PLEKHD1: variants seen among roughly 807,000 people sequenced by gnomAD.
PLEKHD1 encodes pleckstrin homology domain-containing family D member 1.
In PLEKHD1, 51 loss-of-function variants were observed where a neutral mutation model predicts 69.2. That is an observed-to-expected ratio of 0.74 (90% CI 0.59 to 0.93). The LOEUF (loss-of-function observed/expected upper bound fraction) is 0.93. PLEKHD1 is among the 40% of genes least tolerant of loss of function. The pLI, the probability that PLEKHD1 is intolerant of heterozygous loss-of-function variation, is 0.00. For missense variants in PLEKHD1, 584 were observed against 641.0 expected (o/e 0.91, Z 0.96); for synonymous variants, 236 against 244.7 (o/e 0.96, Z 0.33).
intron 7 of PLEKHD1, among the ~76,000 whole-genome samples, chr14:69,522,609 G>A (rs1883543092): frequency 6.6e-6 from 1 of 152,056 alleles, no homozygotes; most frequent in Non-Finnish European, 1.5e-5. Flanking sequence ...ACCCACTAGA[G>A]CATAAGGCAA....
chr14:69,470,326 A>G, the PLEKHD1 span, among the ~76,000 whole-genome samples: 2 of 151,718 alleles, frequency 1.3e-5, no homozygotes, highest in Non-Finnish European at 2.9e-5. Context: ...AGCCAGGCGT[A>G]GTGGTGCACA....
the PLEKHD1 span, among the ~76,000 whole-genome samples, chr14:69,470,327 G>A: frequency 3.3e-5 from 5 of 151,876 alleles, no homozygotes; most frequent in Non-Finnish European, 7.4e-5. Flanking sequence ...GCCAGGCGTA[G>A]TGGTGCACAC....
At chr14:69,487,638 A>C (rs1184074440) in intron 1 of PLEKHD1, among the ~76,000 whole-genome samples, 1 of 152,234 alleles carries the variant, frequency 6.6e-6, no homozygotes, top group Non-Finnish European at 1.5e-5. Context: ...CTGGGGTGGG[A>C]AGGTGCCCTT....
chr14:69,494,009 G>T (rs1882832938), intron 1 of PLEKHD1, among the ~76,000 whole-genome samples: 1 of 152,206 alleles, frequency 6.6e-6, no homozygotes. Flanking sequence ...AGCTGGGCTG[G>T]AGCCAAGAGC....
At chr14:69,527,093 C>T (rs1017694926) in intron 10 of PLEKHD1, 95 bp from the exon 11 acceptor site, 2 of 1,400,164 alleles carry the variant, frequency 1.4e-6, no homozygotes, top group Non-Finnish European at 9.5e-7. Context: ...CATCCACGCC[C>T]ATTGAGCCAG....
upstream of PLEKHD1, among the ~76,000 whole-genome samples, chr14:69,481,302 C>A (rs985364417): frequency 6.6e-6 from 1 of 152,096 alleles, no homozygotes. Flanking sequence ...CAGCCTGGGT[C>A]AGAGTGATAC....
chr14:69,481,321 T>TAAC (rs1882537995), upstream of PLEKHD1, among the ~76,000 whole-genome samples: 1 of 152,132 alleles, frequency 6.6e-6, no homozygotes, highest in African/African-American at 2.4e-5. Context: ...ACCCTGTCTC[T>TAAC]AACAACAACA....
At chr14:69,501,969 G>C in intron 5 of PLEKHD1, 144 bp downstream of exon 5, 2 of 660,894 alleles carry the variant, frequency 3.0e-6, no homozygotes, top group East Asian at 2.9e-5. Context: ...CACCTGGAGG[G>C]CTTCCTGGTA....
upstream of PLEKHD1, among the ~76,000 whole-genome samples, chr14:69,482,043 C>T (rs1882550793): frequency 6.6e-6 from 1 of 152,208 alleles, no homozygotes; most frequent in African/African-American, 2.4e-5. Flanking sequence ...GGAACAGAAA[C>T]CACTCAAGTA....
intron 5 of PLEKHD1, 93 bp downstream of exon 5, chr14:69,501,918 G>T (rs1883035372): frequency 1.7e-6 from 2 of 1,144,622 alleles, no homozygotes; most frequent in Non-Finnish European, 2.5e-6. Flanking sequence ...AGGGATGAGG[G>T]TCTCTCAGGT....
intron 8 of PLEKHD1, 126 bp downstream of exon 8, chr14:69,524,448 C>A (rs1435176993): frequency 2.5e-6 from 2 of 801,646 alleles, no homozygotes; most frequent in Non-Finnish European, 4.1e-6. Context: ...TGGAGGGGTG[C>A]TGATCTAAAG....
the PLEKHD1 span, among the ~76,000 whole-genome samples, chr14:69,475,091 G>C: frequency 1.3e-5 from 2 of 152,224 alleles, no homozygotes; most frequent in Non-Finnish European, 2.9e-5. Context: ...ATTGAGTAAA[G>C]ATGGAGCTAA....
intron 1 of PLEKHD1, among the ~76,000 whole-genome samples, chr14:69,489,190 G>T (rs1363516682): frequency 6.6e-6 from 1 of 152,204 alleles, no homozygotes; most frequent in African/African-American, 2.4e-5. Context: ...CCTCCAGCTT[G>T]CAGAGAGTTC....
chr14:69,517,237 A>G (rs1883404666), intron 6 of PLEKHD1, among the ~76,000 whole-genome samples: 1 of 152,122 alleles, frequency 6.6e-6, no homozygotes, highest in Non-Finnish European at 1.5e-5. Context: ...TCACCTGCAT[A>G]AGCAGTGGAT....
At chr14:69,527,159 C>T (rs1414929669) in intron 10 of PLEKHD1, 29 bp from the exon 11 acceptor site, 58 of 1,508,032 alleles carry the variant, frequency 3.8e-5, no homozygotes, top group Non-Finnish European at 5.1e-5. Context: ...GACCTGACTT[C>T]CTTCTCATTT....
chr14:69,499,582 G>A (rs768778170), intron 1 of PLEKHD1, among the ~76,000 whole-genome samples: 33 of 152,248 alleles, frequency 2.2e-4, no homozygotes, highest in Non-Finnish European at 4.4e-4. Context: ...AAGGAGACTG[G>A]GGAGTAGCCC....
the PLEKHD1 span, among the ~76,000 whole-genome samples, chr14:69,475,668 A>T: frequency 6.6e-6 from 1 of 152,132 alleles, no homozygotes; most frequent in Non-Finnish European, 1.5e-5. Flanking sequence ...GCTTCCCCGC[A>T]AGTGAGGCTT....
intron 12 of PLEKHD1, 117 bp downstream of exon 12, chr14:69,528,049 G>A: frequency 6.7e-7 from 1 of 1,499,222 alleles, no homozygotes; most frequent in South Asian, 1.2e-5. Flanking sequence ...CTTGAACCTG[G>A]CCCCACCATC....
chr14:69,522,477 A>G (rs1566565258), intron 7 of PLEKHD1, 100 bp downstream of exon 7: 1 of 1,264,648 alleles, frequency 7.9e-7, no homozygotes, highest in East Asian at 2.6e-5. Context: ...CAGAGATGCT[A>G]TCTTCCCAAG....
Sources: gnomAD v4.1 joint callset for allele counts (sites outside exome capture counted in the v4.1 genomes callset) on GRCh38, gnomAD v4.1.1 for gene constraint, MANE v1.5 for transcripts, NCBI Gene and HGNC (gene_info 2026-07-23, HGNC 2026-07-21) for gene names.